SORL1: variants seen among roughly 807,000 people sequenced by gnomAD.
The protein encoded by SORL1 is sortilin-related receptor.
In SORL1, 127 loss-of-function variants were observed where a neutral mutation model predicts 273.7. The ratio of observed to expected loss-of-function variants is 0.46; its 90% CI spans 0.40 to 0.54. The LOEUF (loss-of-function observed/expected upper bound fraction) is 0.54. Among genes scored for constraint, SORL1 ranks in the 20% least tolerant of loss-of-function variants. The pLI, the probability that SORL1 is intolerant of heterozygous loss-of-function variation, is 0.00. For synonymous variants in SORL1, 1,031 were observed against 1,067.4 expected (o/e 0.97, Z 0.66); for missense variants, 2,494 against 2,846.1 (o/e 0.88, Z 2.81).
intron 1 of SORL1, among the ~76,000 whole-genome samples, chr11:121,456,218 A>C (rs942603178): frequency 6.6e-6 from 1 of 152,204 alleles, no homozygotes; most frequent in African/African-American, 2.4e-5. Context: ...CATCCAAGGA[A>C]TACCTCTTGG....
chr11:121,544,835 C>G (rs1348188956), intron 13 of SORL1, among the ~76,000 whole-genome samples: 3 of 152,190 alleles, frequency 2.0e-5, no homozygotes, highest in African/African-American at 7.2e-5. Context: ...GCCACACTAC[C>G]AGATGTGCCC....
chr11:121,498,005 C>G (rs536328712), intron 6 of SORL1, among the ~76,000 whole-genome samples: 3 of 152,274 alleles, frequency 2.0e-5, no homozygotes, highest in African/African-American at 7.2e-5. Flanking sequence ...ATCTCCCCAG[C>G]AGGAAAAGCA....
At chr11:121,471,886 G>C (rs576902950) in intron 2 of SORL1, among the ~76,000 whole-genome samples, 1 of 152,186 alleles carries the variant, frequency 6.6e-6, no homozygotes, top group African/African-American at 2.4e-5. Context: ...AGTGCTCTGG[G>C]GCAGGGCTAG....
chr11:121,573,228 GT>G (rs1310830621), intron 23 of SORL1, among the ~76,000 whole-genome samples: 4 of 152,300 alleles, frequency 2.6e-5, no homozygotes, highest in Admixed American at 2.6e-4. Flanking sequence ...ATAGGCTCTG[GT>G]TCCAAACTTG....
At chr11:121,470,656 C>T (rs139065915) in intron 2 of SORL1, among the ~76,000 whole-genome samples, 86 of 152,240 alleles carry the variant, frequency 5.6e-4, no homozygotes, top group African/African-American at 2.0e-3. Flanking sequence ...AGTGAAGCCA[C>T]CTTCAAGTTT....
At chr11:121,481,024 T>A (rs77638195) in intron 3 of SORL1, among the ~76,000 whole-genome samples, 4 of 31,638 alleles carry the variant, frequency 1.3e-4, no homozygotes, top group East Asian at 1.2e-3. Flanking sequence ...TAGGCAGGCT[T>A]CATCTCCTCC....
chr11:121,568,252 A>G (rs994398469), intron 22 of SORL1, among the ~76,000 whole-genome samples: 31 of 152,218 alleles, frequency 2.0e-4, no homozygotes, highest in African/African-American at 7.5e-4. Context: ...GAAACACACA[A>G]TACAAGCCTT....
rs35205693 is a variant in SORL1 at position 121,626,453 on chromosome 11, GTT to G, written c.6365-1090_6365-1089del. The G allele has an allele frequency of 2.9e-3, 437 of 149,180 alleles. 6 individuals are homozygous for G. Among genetic ancestry groups the G allele is most frequent in the Non-Finnish European group, 1.3e-3 (88 of 67,082 alleles). The allele number at this position is 149,180 out of a possible 1,614,324, so 9.2% of individuals were successfully genotyped here. A position where few individuals can be genotyped will look rare whatever the true frequency, so the allele number is the denominator to read the frequency against. ...ACATATTAAATAAGATGTTGCTAGAGTTTTTTTTTTTTTCTGGCAAGGAAATA... is the reference window on the plus strand; with the variant it reads ...ACATATTAAATAAGATGTTGCTAGAGTTTTTTTTTTTCTGGCAAGGAAATA... On this transcript the variant is annotated intron_variant, in intron 46 of 47. Coordinates refer to ENST00000260197, the MANE Select transcript of SORL1 (RefSeq NM_003105.6).
rs140374072 is a variant in SORL1 at position 121,555,649 on chromosome 11, C to A, written c.2571+331C>A. ...TAAACATGATGGCAAAAACTACAAT[C>A]ACTTTTGCATCAGCCTAATATCATG... On this transcript the variant is annotated intron_variant, in intron 18 of 47. Transcript: ENST00000260197. Among the ~76,000 whole-genome samples, 1,017 of 152,176 alleles carry A rather than the reference C, an allele frequency of 6.7e-3. 8 individuals are homozygous for A. Among genetic ancestry groups the A allele is most frequent in the Non-Finnish European group, 9.8e-3 (669 of 67,996 alleles).
At chr11:121,493,297 A>T (rs1421448430) in intron 5 of SORL1, among the ~76,000 whole-genome samples, 1 of 147,186 alleles carries the variant, frequency 6.8e-6, no homozygotes, top group Non-Finnish European at 1.5e-5. Flanking sequence ...TTTAAGTATG[A>T]CCAGGCTGGA....
intron 6 of SORL1, among the ~76,000 whole-genome samples, chr11:121,504,734 A>C (rs1265536778): frequency 6.6e-6 from 1 of 152,094 alleles, no homozygotes; most frequent in Non-Finnish European, 1.5e-5. Context: ...TAAAATGTTG[A>C]CTAGGAGTGG....
chr11:121,604,462 T>G (rs1863439155), intron 33 of SORL1, 138 bp downstream of exon 33: 1 of 1,176,772 alleles, frequency 8.5e-7, no homozygotes, highest in East Asian at 2.6e-5. Context: ...GATTTGTGCC[T>G]AGTTTTGGAG....
In SORL1 at chr11:121,452,488, G is replaced by T; in HGVS notation, c.157G>T (p.Gly53Cys). Residue 53 changes from glycine to cysteine, a missense_variant, in exon 1 of 48, where the codon GGC becomes TGC. By Grantham distance (159) the Gly-to-Cys change is radical. Around this residue, in one of 3 missense-constraint regions of SORL1, gnomAD observed 175 missense variants for 147.1 expected, o/e 1.19. Coordinates refer to ENST00000260197, the MANE Select transcript of SORL1 (RefSeq NM_003105.6). This position sits in a 1 kb window ranked among gnomAD's most constrained non-coding sequence, Gnocchi z 5.3. ...PQDRGFLVVQ[G>C]DPRELRLWAR... is the part of the protein sequence containing the mutation. ...GGACCGGGGCTTCCTCGTGGTGCAGGGCGACCCGCGCGAGCTGCGGCTGTG... is the reference window on the plus strand; with the variant it reads ...GGACCGGGGCTTCCTCGTGGTGCAGTGCGACCCGCGCGAGCTGCGGCTGTG... 2.0e-6 allele frequency: 3 copies of T among 1,489,142 alleles called. No homozygotes were observed. Among genetic ancestry groups the T allele is most frequent in the Non-Finnish European group, 2.7e-6 (3 of 1,121,760 alleles). The allele number at this position is 1,489,142 out of a possible 1,614,324, so 92.2% of individuals were successfully genotyped here.
chr11:121,472,990 T>TA (rs1031263915), intron 2 of SORL1, among the ~76,000 whole-genome samples: 1 of 151,008 alleles, frequency 6.6e-6, no homozygotes, highest in African/African-American at 2.4e-5. Flanking sequence ...GGAGATAGAT[T>TA]AAATGGGAAG....
At chr11:121,542,923 A>G (rs1037593109) in intron 12 of SORL1, among the ~76,000 whole-genome samples, 2 of 151,304 alleles carry the variant, frequency 1.3e-5, no homozygotes, top group Admixed American at 1.3e-4. Flanking sequence ...CATGACTGTA[A>G]TCCCAGCACT....
intron 19 of SORL1, among the ~76,000 whole-genome samples, chr11:121,557,708 G>T (rs1170207090): frequency 1.3e-5 from 2 of 152,184 alleles, no homozygotes; most frequent in Non-Finnish European, 2.9e-5. Context: ...CTTGGATATT[G>T]TGAGAACTTT....
rs1196476636 is a variant in SORL1, at chr11:121,452,559, G to T, written c.228G>T (p.Pro76=). The T allele has an allele frequency of 2.0e-6, 3 of 1,512,312 alleles. No homozygotes were observed. The East Asian group carries it at 8.0e-5, about 40-fold the overall frequency. 93.7% of individuals were successfully genotyped at this position (1,512,312 alleles called of 1,614,324 possible). The change falls in exon 1 of 48, where the codon CCG becomes CCT. Residue 76 remains proline, a synonymous_variant. Transcript: ENST00000260197. This position sits in a 1 kb window ranked among gnomAD's most constrained non-coding sequence, Gnocchi z 5.3. ...ARGASRADEK[P]LRRKRSAALQ... Reference sequence around the variant, plus strand: ...GGGCGAGCCGCGCGGACGAGAAGCCGCTCCGGAGGAAACGGAGCGCTGCCC... The same window carrying T: ...GGGCGAGCCGCGCGGACGAGAAGCCTCTCCGGAGGAAACGGAGCGCTGCCC...
chr11:121,552,048 A>G (rs1042553252), intron 16 of SORL1, among the ~76,000 whole-genome samples: 1 of 152,172 alleles, frequency 6.6e-6, no homozygotes, highest in African/African-American at 2.4e-5. Context: ...CTGGCAGGAA[A>G]GCTATTTTCT....
chr11:121,551,641 C>T (rs1242961491), intron 16 of SORL1, among the ~76,000 whole-genome samples: 2 of 152,144 alleles, frequency 1.3e-5, no homozygotes, highest in Admixed American at 1.3e-4. Flanking sequence ...GTGGTGGTGT[C>T]TTACGTGGAC....
Sources: allele counts gnomAD v4.1 joint callset (sites outside exome capture counted in the v4.1 genomes callset), GRCh38; gene constraint gnomAD v4.1.1; regional missense constraint gnomAD v4.1.1; non-coding constraint Gnocchi (gnomAD v3.1); transcripts MANE v1.5; gene names NCBI Gene and HGNC (gene_info 2026-07-23, HGNC 2026-07-21).